GOLGA1: variants seen among roughly 807,000 people sequenced by gnomAD.
The protein encoded by GOLGA1 is golgin A1.
In GOLGA1, 63 loss-of-function variants were observed where a neutral mutation model predicts 119.7. The observed-to-expected ratio is 0.53, with a 90% CI of 0.43 to 0.65. The LOEUF (loss-of-function observed/expected upper bound fraction) is 0.65. GOLGA1 is among the 30% of genes least tolerant of loss of function. The probability of loss-of-function intolerance (pLI) is 0.00; values close to 1 mark genes in which losing one functional copy is unlikely to be tolerated. For missense variants in GOLGA1, 798 were observed against 912.8 expected, an observed-to-expected ratio of 0.87 and a Z score of 1.62; for synonymous variants, 318 against 333.4, an observed-to-expected ratio of 0.95 and a Z score of 0.50.
intron 12 of GOLGA1, among the ~76,000 whole-genome samples, chr9:124,903,651 C>CAAAAAAAAAAAAAAAAAAAAAAAAAAAAA (rs11435294): frequency 1.1e-5 from 1 of 91,282 alleles, no homozygotes; most frequent in Non-Finnish European, 2.0e-5. Context: ...AGAAAAAGAC[C>CAAAAAAAAAAAAAAAAAAAAAAAAAAAAA]AAAAAAAAAA....
At chr9:124,904,093 TAA>T (rs11360307) in intron 12 of GOLGA1, among the ~76,000 whole-genome samples, 6 of 142,686 alleles carry the variant, frequency 4.2e-5, no homozygotes, top group Non-Finnish European at 4.6e-5. Context: ...AAAATTCTGT[TAA>T]AAAAAAAAAA....
At chr9:124,931,469 G>C in intron 3 of GOLGA1, 63 bp from the exon 4 acceptor site, 1 of 805,426 alleles carries the variant, frequency 1.2e-6, no homozygotes, top group Non-Finnish European at 2.2e-6. Context: ...TACTGAGCCA[G>C]AAAGTGACAA....
intron 10 of GOLGA1, among the ~76,000 whole-genome samples, chr9:124,915,797 AATAG>A (rs1218165776): frequency 2.0e-5 from 3 of 148,542 alleles, no homozygotes; most frequent in Non-Finnish European, 4.5e-5. Flanking sequence ...AAAATAAATA[AATAG>A]ATAGATAAAA....
chr9:124,880,593 G>C lies in GOLGA1; in HGVS notation c.2241C>G (p.Ser747=), dbSNP rs1161478546. 6.2e-7 allele frequency: 1 copy of C among 1,607,798 alleles called. No individual in the cohort carries two copies. The highest frequency in any genetic ancestry group is 1.7e-5 in the Admixed American group (1 of 59,970). Residue 747 remains serine (S), a synonymous_variant, in exon 23 of 23, where the codon TCC becomes TCG. Transcript: ENST00000373555. ...TLEYKMSWFG[S]KPAPKGSIRP... The stretch of plus-strand genomic sequence containing the variant: ...GGATGCTGCCCTTGGGAGCTGGTTT[G>C]GACCCAAACCATGACATCTGCATTT...
chr9:124,921,874 T>C lies in GOLGA1; in HGVS notation c.580A>G (p.Ser194Gly), dbSNP rs1270981150. 8 of 1,612,376 alleles carry C rather than the reference T, an allele frequency of 5.0e-6. No homozygotes were observed. The highest frequency in any genetic ancestry group is 6.8e-6 in the Non-Finnish European group (8 of 1,179,452). Residue 194 changes from serine (S) to glycine (G), a missense_variant, in exon 9 of 23, where the codon AGT becomes GGT. By Grantham distance (56) the Ser-to-Gly change is moderately conservative. Coordinates refer to ENST00000373555, the MANE Select transcript of GOLGA1 (RefSeq NM_002077.4). ...AATTCTTGTTCCATTTTCCCTAGAC[T>C]TTCTTCTTTTTTTAAAAGCTGACAC... is the stretch of plus-strand genomic sequence containing the variant. ...IKHMLLKKEE[S>G]LGKMEQELEA...
intron 10 of GOLGA1, among the ~76,000 whole-genome samples, chr9:124,919,272 G>T (rs1445364066): frequency 1.3e-5 from 2 of 151,928 alleles, no homozygotes; most frequent in African/African-American, 4.8e-5. Context: ...AGAAAAAAAA[G>T]AAAAGAAAAA....
chr9:124,887,637 A>G (rs1259999364), intron 19 of GOLGA1: 1 of 153,240 alleles, frequency 6.5e-6, no homozygotes, highest in Non-Finnish European at 1.5e-5. Flanking sequence ...ACACACAAAC[A>G]CACACACAAT....
intron 3 of GOLGA1, among the ~76,000 whole-genome samples, chr9:124,937,238 G>A (rs1404539545): frequency 6.6e-6 from 1 of 152,156 alleles, no homozygotes; most frequent in Non-Finnish European, 1.5e-5. Context: ...AGGATCACGA[G>A]GTCAGGAGTT....
intron 2 of GOLGA1, among the ~76,000 whole-genome samples, chr9:124,939,142 G>A (rs1034884711): frequency 8.3e-5 from 12 of 145,232 alleles, no homozygotes; most frequent in African/African-American, 3.0e-4. Flanking sequence ...AAATCTCTAC[G>A]TTTTTTTTTT....
chr9:124,888,037 T>G lies in GOLGA1; in HGVS notation c.1905+216A>C, dbSNP rs1382592633. ...CCCAAGCCTGACACTTGTCCAGTTC[T>G]CCAGGGGGTGGGGAGAAGAGGGCTG... is the stretch of plus-strand genomic sequence containing the variant. On this transcript the variant is annotated intron_variant, in intron 19 of 22. Transcript: ENST00000373555. This position sits in a 1 kb window ranked among gnomAD's most constrained non-coding sequence, Gnocchi z 4.4. 6.6e-6 allele frequency among the ~76,000 whole-genome samples: 1 copy of G among 151,954 alleles called. No homozygotes were observed. Among genetic ancestry groups the G allele is most frequent in the Non-Finnish European group, 1.5e-5 (1 of 68,000 alleles).
chr9:124,895,625 G>A (rs1212454845), intron 15 of GOLGA1, among the ~76,000 whole-genome samples: 4 of 137,800 alleles, frequency 2.9e-5, no homozygotes, highest in African/African-American at 8.4e-5. Flanking sequence ...CCACGACAGG[G>A]AGCCTCCACG....
At chr9:124,923,738 C>T (rs1830615409) in intron 7 of GOLGA1, among the ~76,000 whole-genome samples, 1 of 151,964 alleles carries the variant, frequency 6.6e-6, no homozygotes, top group Non-Finnish European at 1.5e-5. Flanking sequence ...ATTCTCCTGC[C>T]TCAGCCTCTC....
Position 124,882,509 on chromosome 9 carries a change from C to T in GOLGA1, c.1965+1G>A. The T allele has an allele frequency of 6.2e-7, 1 of 1,608,644 alleles. No individual in the cohort carries two copies. The highest frequency in any genetic ancestry group is 8.5e-7 in the Non-Finnish European group (1 of 1,176,170). ...GGGCCAGCTCCCATGCGAGTACTCA[C>T]CAGCTCCTTCTGCAGAGTCTTCCGG... On this transcript the variant is annotated splice_donor_variant, in intron 20 of 22. Coordinates refer to ENST00000373555, the MANE Select transcript of GOLGA1 (RefSeq NM_002077.4). LOFTEE classifies it high-confidence loss of function.
At chr9:124,943,298 GT>G (rs1347226804), upstream of GOLGA1, 1 of 152,140 alleles carries the variant, frequency 6.6e-6, no homozygotes, top group Non-Finnish European at 1.5e-5. Context: ...AATCCAAACA[GT>G]TTTGCTAACG....
At position 124,881,626 on chromosome 9, in the gene GOLGA1, C is replaced by T. The variant is rs1288884092; in HGVS notation, c.2136+158G>A. Among the ~76,000 whole-genome samples the T allele has an allele frequency of 6.6e-6, 1 of 152,148 alleles. No individual in the cohort carries two copies. The highest frequency in any genetic ancestry group is 2.4e-5 in the African/African-American group (1 of 41,440). The stretch of plus-strand genomic sequence containing the variant: ...GGCCTCTCCCGCCAGCCGCTCACTC[C>T]GCAGGCCAACGCCAGCAGGAGAAAT... On this transcript the variant is annotated intron_variant, in intron 21 of 22. Coordinates refer to ENST00000373555, the MANE Select transcript of GOLGA1 (RefSeq NM_002077.4). This position sits in a 1 kb window ranked among gnomAD's most constrained non-coding sequence, Gnocchi z 4.9.
At chr9:124,892,150 TCAC>T (rs939639126) in intron 15 of GOLGA1, among the ~76,000 whole-genome samples, 3 of 152,238 alleles carry the variant, frequency 2.0e-5, no homozygotes, top group African/African-American at 7.2e-5. Context: ...AGATGGACTT[TCAC>T]CATGTTGGTC....
upstream of GOLGA1, chr9:124,943,144 A>G (rs2131556290): frequency 6.6e-6 from 1 of 152,384 alleles, no homozygotes; most frequent in South Asian, 2.1e-4. Context: ...TGGCTTAAGC[A>G]ATTTAGAACA....
At chr9:124,935,580 T>C (rs1712899187) in intron 3 of GOLGA1, among the ~76,000 whole-genome samples, 1 of 152,064 alleles carries the variant, frequency 6.6e-6, no homozygotes, top group South Asian at 2.1e-4. Context: ...GAGGATTGCC[T>C]GAACTCAGGA....
rs1163686165 is a variant in GOLGA1, at chr9:124,941,058, G to T, written c.-293C>A. The T allele has an allele frequency of 6.6e-6, 1 of 152,296 alleles. No homozygotes were observed. The highest frequency in any genetic ancestry group is 1.5e-5 in the Non-Finnish European group (1 of 68,094). 9.4% of individuals were successfully genotyped at this position (152,296 alleles called of 1,614,324 possible). ...CGTCACCAACCCCCACCGCCCAGCCGGCGAGCCGAGCAGCGACCCGGAACC... is the reference window on the plus strand; with the variant it reads ...CGTCACCAACCCCCACCGCCCAGCCTGCGAGCCGAGCAGCGACCCGGAACC... On this transcript the variant is annotated 5_prime_UTR_variant, in exon 1 of 23. Coordinates refer to ENST00000373555, the MANE Select transcript of GOLGA1 (RefSeq NM_002077.4).
Sources: gnomAD v4.1 joint callset for allele counts (sites outside exome capture counted in the v4.1 genomes callset) on GRCh38, gnomAD v4.1.1 for gene constraint, Gnocchi (gnomAD v3.1) non-coding constraint, MANE v1.5 for transcripts, NCBI Gene and HGNC (gene_info 2026-07-23, HGNC 2026-07-21) for gene names.